Variants in CARMIL1 observed in about 807,000 individuals in gnomAD.
CARMIL1 encodes capping protein regulator and myosin 1 linker 1, also known as F-actin-uncapping protein LRRC16A.
CARMIL1 carries 90 observed loss-of-function variants against 177.1 expected under a neutral mutation model. That is an observed-to-expected ratio of 0.51 (90% CI 0.43 to 0.61). The LOEUF (loss-of-function observed/expected upper bound fraction) is 0.61. Ranked by LOEUF, CARMIL1 falls within the 20% of genes least tolerant of loss-of-function variation. The pLI, the probability that CARMIL1 is intolerant of heterozygous loss-of-function variation, is 0.00. For synonymous variants in CARMIL1, 577 were observed against 606.2 expected (o/e 0.95, Z 0.71); for missense variants, 1,380 against 1,667.0 (o/e 0.83, Z 3.00).
chr6:25,357,028 T>C (rs1788689989), intron 2 of CARMIL1, among the ~76,000 whole-genome samples: 1 of 151,930 alleles, frequency 6.6e-6, no homozygotes, highest in South Asian at 2.1e-4. Flanking sequence ...GGGTTAACTA[T>C]TGGGGTAGGA....
chr6:25,417,093 G>C (rs2150674474), intron 2 of CARMIL1, among the ~76,000 whole-genome samples: 1 of 152,232 alleles, frequency 6.6e-6, no homozygotes, highest in Middle Eastern at 3.4e-3. Flanking sequence ...TCTGGGGGAG[G>C]AGCAGTATTT....
At chr6:25,296,936 TAAC>T (rs1388535984) in intron 2 of CARMIL1, among the ~76,000 whole-genome samples, 1,292 of 5,534 alleles carry the variant, frequency 0.23, 10 homozygotes, top group Middle Eastern at 0.33. Flanking sequence ...TATCTATCTT[TAAC>T]TAACTAACTA....
chr6:25,305,993 G>A (rs189616277), intron 2 of CARMIL1, among the ~76,000 whole-genome samples: 1 of 151,954 alleles, frequency 6.6e-6, no homozygotes, highest in Non-Finnish European at 1.5e-5. Flanking sequence ...TATGTTCAGC[G>A]GCATGAAGTA....
chr6:25,344,881 C>T (rs926503602), intron 2 of CARMIL1, among the ~76,000 whole-genome samples: 5 of 152,134 alleles, frequency 3.3e-5, no homozygotes, highest in Non-Finnish European at 7.4e-5. Flanking sequence ...TTTCTTCTTT[C>T]TACCTGATTC....
chr6:25,408,545 AGTGAGGTATATATT>A (rs1295581757), intron 2 of CARMIL1, among the ~76,000 whole-genome samples: 5 of 152,258 alleles, frequency 3.3e-5, no homozygotes, highest in Admixed American at 2.6e-4. Context: ...GACAACCTCC[AGTGAGGTATATATT>A]GTGATCCCAT....
chr6:25,320,693 G>C (rs950524766), intron 2 of CARMIL1, among the ~76,000 whole-genome samples: 12 of 152,166 alleles, frequency 7.9e-5, no homozygotes, highest in Non-Finnish European at 1.5e-4. Context: ...TGGTGATTTC[G>C]TTGAAAGCTG....
intron 2 of CARMIL1, among the ~76,000 whole-genome samples, chr6:25,413,534 T>C (rs1795100109): frequency 6.6e-6 from 1 of 152,238 alleles, no homozygotes; most frequent in Admixed American, 6.5e-5. Context: ...GCTTCTCTGC[T>C]AAACTGTGAG....
chr6:25,465,746 C>A, intron 8 of CARMIL1, 127 bp from the exon 9 acceptor site: 1 of 670,788 alleles, frequency 1.5e-6, no homozygotes, highest in African/African-American at 1.8e-5. Context: ...GTCTAGTGGC[C>A]AACTAGATGT....
chr6:25,477,396 TA>T (rs1194576673), intron 11 of CARMIL1, among the ~76,000 whole-genome samples: 7 of 152,096 alleles, frequency 4.6e-5, no homozygotes, highest in African/African-American at 1.7e-4. Flanking sequence ...GTATAATGTG[TA>T]TGAGTAATCC....
chr6:25,514,688 A>G (rs1805799915), intron 20 of CARMIL1, among the ~76,000 whole-genome samples: 2 of 152,074 alleles, frequency 1.3e-5, no homozygotes, highest in African/African-American at 2.4e-5. Context: ...TTAGGATACC[A>G]AGGTGAGAGG....
intron 2 of CARMIL1, among the ~76,000 whole-genome samples, chr6:25,358,165 G>C (rs1477300907): frequency 6.6e-6 from 1 of 152,228 alleles, no homozygotes; most frequent in Non-Finnish European, 1.5e-5. Context: ...TGTGAGCAGA[G>C]TTTGTCTTGT....
chr6:25,293,826 A>G (rs865992540), intron 2 of CARMIL1, among the ~76,000 whole-genome samples: 29 of 151,858 alleles, frequency 1.9e-4, no homozygotes, highest in South Asian at 6.2e-4. Flanking sequence ...GGCTCAAGTG[A>G]TCCTCCCACC....
chr6:25,457,999 CAG>C (rs1227905895), intron 8 of CARMIL1, among the ~76,000 whole-genome samples: 2 of 152,068 alleles, frequency 1.3e-5, no homozygotes, highest in Non-Finnish European at 2.9e-5. Flanking sequence ...CTTAAAATTT[CAG>C]AGAGATGGCA....
chr6:25,472,340 A>C, intron 10 of CARMIL1, 87 bp from the exon 11 acceptor site: 1 of 897,310 alleles, frequency 1.1e-6, no homozygotes, highest in Non-Finnish European at 1.8e-6. Context: ...TTCTCTATTT[A>C]GATTTCACTC....
intron 24 of CARMIL1, among the ~76,000 whole-genome samples, chr6:25,530,807 A>G (rs1327029236): frequency 1.3e-5 from 2 of 152,208 alleles, no homozygotes; most frequent in Non-Finnish European, 2.9e-5. Context: ...GAAAGTTTTT[A>G]AAAATCGCTG....
At chr6:25,423,913 T>A (rs1458997076) in intron 3 of CARMIL1, among the ~76,000 whole-genome samples, 2 of 152,188 alleles carry the variant, frequency 1.3e-5, no homozygotes, top group Non-Finnish European at 2.9e-5. Context: ...TTCCTGCCCA[T>A]AAATCTAATC....
At chr6:25,450,978 TCTCCCC>T (rs201070034) in intron 8 of CARMIL1, among the ~76,000 whole-genome samples, 3,109 of 7,806 alleles carry the variant, frequency 0.4, 1,092 homozygotes, top group East Asian at 0.55. Context: ...TCTCTTCTCC[TCTCCCC>T]CTCCCCTCTC....
rs933799100 is a variant in CARMIL1 at position 25,284,739 on chromosome 6, A to T, written c.41-73A>T. The stretch of plus-strand genomic sequence containing the variant: ...ACAACAACAGTAAAAACAACCAAAT[A>T]TACTCCTCCAAATGCTTACTCCTCC... On this transcript the variant is annotated intron_variant, in intron 1 of 36. Transcript: ENST00000329474. 4 of 828,382 alleles carry T rather than the reference A, an allele frequency of 4.8e-6. No homozygotes were observed. The Admixed American group carries it at 7.1e-5, about 15-fold the overall frequency. The allele number at this position is 828,382 out of a possible 1,614,324, so 51.3% of individuals were successfully genotyped here. A position where few individuals can be genotyped will look rare whatever the true frequency, so the allele number is the denominator to read the frequency against.
chr6:25,504,286 A>G (rs1470847982), intron 17 of CARMIL1, among the ~76,000 whole-genome samples: 1 of 152,214 alleles, frequency 6.6e-6, no homozygotes, highest in Non-Finnish European at 1.5e-5. Context: ...GTGTTTGGAC[A>G]GGGAGCTTAG....
Sources: gnomAD v4.1 joint callset for allele counts (sites outside exome capture counted in the v4.1 genomes callset) on GRCh38, gnomAD v4.1.1 for gene constraint, MANE v1.5 for transcripts, NCBI Gene and HGNC (gene_info 2026-07-23, HGNC 2026-07-21) for gene names.